Variants in TAF4B observed in about 807,000 individuals in gnomAD.
TAF4B encodes TATA-box binding protein associated factor 4b.
Under a neutral mutation model 86.4 loss-of-function variants are expected in TAF4B, and 38 were observed. The ratio of observed to expected loss-of-function variants is 0.44; its 90% CI spans 0.34 to 0.58. The LOEUF (loss-of-function observed/expected upper bound fraction) is 0.58. Among genes scored for constraint, TAF4B ranks in the 20% least tolerant of loss-of-function variants. The pLI, the probability that TAF4B is intolerant of heterozygous loss-of-function variation, is 0.02. For synonymous variants in TAF4B, 388 were observed against 391.2 expected (o/e 0.99, Z 0.10); for missense variants, 988 against 1,027.6 (o/e 0.96, Z 0.53).
chr18:26,376,243 TAGAC>T lies in TAF4B; in HGVS notation c.2422-13599_2422-13596del, dbSNP rs1204747332. Among the ~76,000 whole-genome samples, 4 of 150,166 alleles carry T rather than the reference TAGAC, an allele frequency of 2.7e-5. No individual in the cohort carries two copies. In the East Asian group the frequency reaches 7.8e-4, roughly 29 times the overall value. The stretch of plus-strand genomic sequence containing the variant: ...ATTTCAACCAAAAAAAAAAAAAAGG[TAGAC>T]AGTATTTTGATAGGAATTGCATTGA... On this transcript the variant is annotated intron_variant, in intron 14 of 14. Coordinates refer to ENST00000269142, the MANE Select transcript of TAF4B (RefSeq NM_005640.3).
intron 9 of TAF4B, among the ~76,000 whole-genome samples, chr18:26,311,220 A>T (rs2056851081): frequency 6.6e-6 from 1 of 152,242 alleles, no homozygotes; most frequent in Non-Finnish European, 1.5e-5. Flanking sequence ...ATGTGCTCTC[A>T]GGAGTTCAGC....
intron 1 of TAF4B, among the ~76,000 whole-genome samples, chr18:26,243,892 T>G (rs1568099575): frequency 6.6e-6 from 1 of 152,182 alleles, no homozygotes; most frequent in Non-Finnish European, 1.5e-5. Context: ...GAGGCTGCAG[T>G]ACAGCAAATA....
chr18:26,347,748 C>T (rs1040664280), intron 13 of TAF4B, among the ~76,000 whole-genome samples: 2 of 152,128 alleles, frequency 1.3e-5, no homozygotes, highest in African/African-American at 4.8e-5. Flanking sequence ...TTTCCACAAA[C>T]AGCAACCAAA....
At chr18:26,313,481 AC>A (rs764341577) in intron 9 of TAF4B, among the ~76,000 whole-genome samples, 5 of 152,144 alleles carry the variant, frequency 3.3e-5, no homozygotes, top group South Asian at 4.1e-4. Flanking sequence ...CTCTGAGGAT[AC>A]CTTTGTGACG....
intron 1 of TAF4B, among the ~76,000 whole-genome samples, chr18:26,249,024 T>G (rs1201126380): frequency 6.6e-6 from 1 of 150,740 alleles, no homozygotes; most frequent in African/African-American, 2.4e-5. Context: ...ATACAAAAAT[T>G]AGCTGGGCGT....
At chr18:26,313,350 A>C (rs2056870812) in intron 9 of TAF4B, among the ~76,000 whole-genome samples, 1 of 152,294 alleles carries the variant, frequency 6.6e-6, no homozygotes, top group Admixed American at 6.5e-5. Context: ...CTTTAGGCTT[A>C]TGATTCCTTA....
At chr18:26,359,097 T>TG (rs1335931061) in intron 14 of TAF4B, among the ~76,000 whole-genome samples, 1 of 152,186 alleles carries the variant, frequency 6.6e-6, no homozygotes, top group Non-Finnish European at 1.5e-5. Flanking sequence ...CAAATCTACA[T>TG]GTGTGGTTTT....
At chr18:26,239,937 A>G (rs138755103) in intron 1 of TAF4B, among the ~76,000 whole-genome samples, 21,187 of 152,008 alleles carry the variant, frequency 0.14, 2,016 homozygotes, top group Non-Finnish European at 0.21. Context: ...GTTCTGTTCC[A>G]TTGGTCTATA....
intron 7 of TAF4B, among the ~76,000 whole-genome samples, chr18:26,288,072 C>G (rs2056546958): frequency 6.6e-6 from 1 of 152,152 alleles, no homozygotes; most frequent in Non-Finnish European, 1.5e-5. Context: ...TTGAGAACCA[C>G]TGGAATAGAG....
At chr18:26,355,148 A>G (rs1206743584) in intron 13 of TAF4B, among the ~76,000 whole-genome samples, 2 of 152,238 alleles carry the variant, frequency 1.3e-5, no homozygotes, top group Non-Finnish European at 2.9e-5. Context: ...GAGAGCAATT[A>G]TAAATGACAT....
intron 9 of TAF4B, among the ~76,000 whole-genome samples, chr18:26,301,033 C>G (rs1312952139): frequency 6.6e-6 from 1 of 152,120 alleles, no homozygotes; most frequent in East Asian, 1.9e-4. Context: ...CATTACTGTT[C>G]CCATCATCCA....
intron 14 of TAF4B, among the ~76,000 whole-genome samples, chr18:26,377,588 A>G (rs2057451169): frequency 6.6e-6 from 1 of 152,186 alleles, no homozygotes; most frequent in Admixed American, 6.5e-5. Context: ...CTTTAACTTG[A>G]ATGTGTTATC....
At chr18:26,370,935 T>C (rs1157764573) in intron 14 of TAF4B, among the ~76,000 whole-genome samples, 1 of 152,188 alleles carries the variant, frequency 6.6e-6, no homozygotes, top group Non-Finnish European at 1.5e-5. Context: ...ATCCAAAGGC[T>C]TGGGGAAATT....
At chr18:26,356,320 G>A (rs1292739703) in intron 13 of TAF4B, among the ~76,000 whole-genome samples, 1 of 152,054 alleles carries the variant, frequency 6.6e-6, no homozygotes, top group Non-Finnish European at 1.5e-5. Flanking sequence ...AACATTAGAA[G>A]TTTGGAGGGA....
At chr18:26,250,090 GA>G (rs2055982705) in intron 1 of TAF4B, among the ~76,000 whole-genome samples, 1 of 152,056 alleles carries the variant, frequency 6.6e-6, no homozygotes, top group Admixed American at 6.5e-5. Context: ...GGCTGAAGTG[GA>G]GTGGCTCGAA....
chr18:26,378,188 T>C (rs1218501593), intron 14 of TAF4B, among the ~76,000 whole-genome samples: 1 of 152,130 alleles, frequency 6.6e-6, no homozygotes, highest in East Asian at 1.9e-4. Context: ...GGGCCAGCAG[T>C]ACTAAACATT....
At chr18:26,349,917 G>A (rs1442913405) in intron 13 of TAF4B, among the ~76,000 whole-genome samples, 1 of 152,174 alleles carries the variant, frequency 6.6e-6, no homozygotes, top group Non-Finnish European at 1.5e-5. Context: ...GGTGTCTACA[G>A]CCAACATATT....
At chr18:26,322,242 A>T (rs2056968848) in intron 11 of TAF4B, among the ~76,000 whole-genome samples, 1 of 152,126 alleles carries the variant, frequency 6.6e-6, no homozygotes, top group African/African-American at 2.4e-5. Context: ...CTACACCACC[A>T]GTAAGTTCCC....
intron 1 of TAF4B, among the ~76,000 whole-genome samples, chr18:26,261,198 T>TG (rs2056160993): frequency 1.5e-5 from 2 of 136,806 alleles, no homozygotes; most frequent in Non-Finnish European, 3.2e-5. Flanking sequence ...TTTTTTTTTT[T>TG]TGAGACGGAG....
Sources: gnomAD v4.1 joint callset for allele counts (sites outside exome capture counted in the v4.1 genomes callset) on GRCh38, gnomAD v4.1.1 for gene constraint, MANE v1.5 for transcripts, NCBI Gene and HGNC (gene_info 2026-07-23, HGNC 2026-07-21) for gene names.